Variants in HTR2C observed in about 807,000 individuals in gnomAD.
HTR2C encodes 5-hydroxytryptamine receptor 2C, also known as 5-hydroxytryptamine (serotonin) receptor 2C, G protein-coupled.
In HTR2C, 5 loss-of-function variants were observed where a neutral mutation model predicts 21.0. The observed-to-expected ratio is 0.24, with a 90% CI of 0.12 to 0.50. The LOEUF is 0.50. Among genes scored for constraint, HTR2C ranks in the 20% least tolerant of loss-of-function variants. The pLI is 0.98. For missense variants in HTR2C, 271 were observed against 371.2 expected, an observed-to-expected ratio of 0.73 and a Z score of 2.22; for synonymous variants, 150 against 145.3, an observed-to-expected ratio of 1.03 and a Z score of -0.23.
At chrX:114,604,553 A>G (rs782148122) in intron 1 of HTR2C, among the ~76,000 whole-genome samples, 10 of 110,159 alleles carry the variant, frequency 9.1e-5, no homozygotes, top group Non-Finnish European at 1.9e-4. Flanking sequence ...GCGATCGGGC[A>G]GTGTCAGTCT....
chrX:114,677,700 A>G (rs1210713572), intron 2 of HTR2C, among the ~76,000 whole-genome samples: 1 of 111,932 alleles, frequency 8.9e-6, no homozygotes, highest in Non-Finnish European at 1.9e-5. Flanking sequence ...CCTTTAATGT[A>G]TGTAAACAAT....
intron 4 of HTR2C, among the ~76,000 whole-genome samples, chrX:114,836,447 C>T (rs1448801485): frequency 4.4e-5 from 5 of 112,518 alleles, no homozygotes; most frequent in African/African-American, 3.2e-5. Context: ...GCGCAGTATT[C>T]GGGTGAGAGT....
chrX:114,803,897 A>G (rs1386481446), intron 4 of HTR2C, among the ~76,000 whole-genome samples: 1 of 112,061 alleles, frequency 8.9e-6, no homozygotes, highest in Non-Finnish European at 1.9e-5. Context: ...TCCTTTAAGA[A>G]AAATAAATCA....
chrX:114,899,962 G>A (rs1042862426), intron 5 of HTR2C, among the ~76,000 whole-genome samples: 3 of 111,306 alleles, frequency 2.7e-5, no homozygotes, highest in Non-Finnish European at 1.9e-5. Context: ...ACAGATGTGC[G>A]TTTGTTGCTG....
chrX:114,745,458 A>G (rs1327619789), intron 4 of HTR2C, among the ~76,000 whole-genome samples: 1 of 112,193 alleles, frequency 8.9e-6, no homozygotes, highest in Non-Finnish European at 1.9e-5. Flanking sequence ...CTGGGAATAT[A>G]CACAAAAGAA....
At chrX:114,737,201 A>G (rs2069598846) in intron 4 of HTR2C, among the ~76,000 whole-genome samples, 1 of 107,514 alleles carries the variant, frequency 9.3e-6, no homozygotes, top group African/African-American at 3.4e-5. Context: ...AAGAAATTAA[A>G]CTCCTGGCTT....
chrX:114,622,216 G>T (rs1200846274), intron 2 of HTR2C, among the ~76,000 whole-genome samples: 1 of 111,688 alleles, frequency 9.0e-6, no homozygotes, highest in Non-Finnish European at 1.9e-5. Flanking sequence ...GAGGATTGAA[G>T]ATTTGAAAAA....
intron 2 of HTR2C, among the ~76,000 whole-genome samples, chrX:114,696,889 T>C (rs1932296189): frequency 9.0e-6 from 1 of 111,545 alleles, no homozygotes; most frequent in African/African-American, 3.3e-5. Flanking sequence ...ATTAATGGAT[T>C]TCTGTGAGGT....
chrX:114,781,425 G>A (rs2070116086), intron 4 of HTR2C, among the ~76,000 whole-genome samples: 1 of 111,083 alleles, frequency 9.0e-6, no homozygotes, highest in Non-Finnish European at 1.9e-5. Flanking sequence ...CAGCCCAGGA[G>A]TTCAAGGTTA....
intron 4 of HTR2C, among the ~76,000 whole-genome samples, chrX:114,840,365 T>C (rs1173401631): frequency 1.8e-5 from 2 of 111,333 alleles, no homozygotes; most frequent in Non-Finnish European, 3.8e-5. Context: ...GGCTAAAAAA[T>C]AATATATGAA....
chrX:114,890,132 T>C (rs1211823303), intron 5 of HTR2C, among the ~76,000 whole-genome samples: 1 of 112,137 alleles, frequency 8.9e-6, no homozygotes, highest in Non-Finnish European at 1.9e-5. Context: ...ACTATTGGCA[T>C]TTTAGATATA....
intron 4 of HTR2C, among the ~76,000 whole-genome samples, chrX:114,772,856 A>G (rs1556437453): frequency 1.8e-5 from 2 of 111,550 alleles, no homozygotes; most frequent in African/African-American, 3.3e-5. Context: ...CTTGTGAACT[A>G]TTTCACCATT....
intron 2 of HTR2C, among the ~76,000 whole-genome samples, chrX:114,627,827 G>C (rs781991566): frequency 1.8e-5 from 2 of 111,888 alleles, no homozygotes; most frequent in Admixed American, 9.5e-5. Flanking sequence ...CTGTTGAATA[G>C]TTATCTTGAG....
intron 4 of HTR2C, among the ~76,000 whole-genome samples, chrX:114,812,751 AAC>A (rs68041680): frequency 0.086 from 2,300 of 26,690 alleles, 63 homozygotes; most frequent in African/African-American, 0.22. Context: ...CAAACAAACA[AAC>A]AAAAAAAAAA....
intron 2 of HTR2C, among the ~76,000 whole-genome samples, chrX:114,705,367 T>C (rs1556417808): frequency 9.1e-6 from 1 of 110,362 alleles, no homozygotes; most frequent in Non-Finnish European, 1.9e-5. Context: ...GAGATATAGA[T>C]CAATGGAACA....
chrX:114,722,411 G>T lies in HTR2C; in HGVS notation c.-79-4447G>T, dbSNP rs1184121399. On this transcript the variant is annotated intron_variant, in intron 2 of 5. Transcript: ENST00000276198. The stretch of plus-strand genomic sequence containing the variant: ...GTTGCTTATCAGCTTAAGGAGATTT[G>T]GGGCTGAGACAATGGGGTTTTCTAA... Among the ~76,000 whole-genome samples the T allele has an allele frequency of 7.2e-5, 8 of 110,717 alleles. No individual in the cohort carries two copies. In the South Asian group the frequency reaches 2.7e-3, roughly 37 times the overall value.
At position 114,706,682 on chromosome X, in the gene HTR2C, C is replaced by G. The variant is rs1738508183; in HGVS notation, c.-79-20176C>G. ...ATATGTAACTAACCTACACATTGTA[C>G]ACATGTACCCTAAAACTTAAAGTAT... On this transcript the variant is annotated intron_variant, in intron 2 of 5. Coordinates refer to ENST00000276198, the MANE Select transcript of HTR2C (RefSeq NM_000868.4). 2.8e-5 allele frequency among the ~76,000 whole-genome samples: 3 copies of G among 107,063 alleles called. No individual in the cohort carries two copies. In the South Asian group the frequency reaches 1.3e-3, roughly 46 times the overall value. The allele number at this position is 107,063 out of a possible 115,157, so 93.0% of individuals were successfully genotyped here. A position where few individuals can be genotyped will look rare whatever the true frequency, so the allele number is the denominator to read the frequency against.
At chrX:114,801,379 G>A (rs1319532122) in intron 4 of HTR2C, among the ~76,000 whole-genome samples, 2 of 111,379 alleles carry the variant, frequency 1.8e-5, no homozygotes, top group African/African-American at 6.5e-5. Context: ...GTATCCTGAT[G>A]TGGTAAAATA....
chrX:114,753,530 T>C (rs782031630), intron 4 of HTR2C, among the ~76,000 whole-genome samples: 1 of 111,824 alleles, frequency 8.9e-6, no homozygotes, highest in East Asian at 2.8e-4. Flanking sequence ...TAATTGTTTT[T>C]GTAGAACATC....
Sources: gnomAD v4.1 joint callset for allele counts (sites outside exome capture counted in the v4.1 genomes callset) on GRCh38, gnomAD v4.1.1 for gene constraint, MANE v1.5 for transcripts, NCBI Gene and HGNC (gene_info 2026-07-23, HGNC 2026-07-21) for gene names.